TTC6: variants seen among roughly 807,000 people sequenced by gnomAD.
TTC6 encodes tetratricopeptide repeat protein 6.
TTC6 carries 172 observed loss-of-function variants against 210.4 expected under a neutral mutation model. The observed-to-expected ratio is 0.82, with a 90% CI of 0.72 to 0.93. The LOEUF (loss-of-function observed/expected upper bound fraction) is 0.93. TTC6 is among the 40% of genes least tolerant of loss of function. The probability of loss-of-function intolerance (pLI) is 0.00; values close to 1 mark genes in which losing one functional copy is unlikely to be tolerated. For missense variants in TTC6, 2,414 were observed against 2,318.1 expected, an observed-to-expected ratio of 1.04 and a Z score of -0.85; for synonymous variants, 804 against 819.6, an observed-to-expected ratio of 0.98 and a Z score of 0.32.
intron 1 of TTC6, among the ~76,000 whole-genome samples, chr14:37,634,187 T>C (rs2095675538): frequency 6.6e-6 from 1 of 152,154 alleles, no homozygotes; most frequent in Admixed American, 6.6e-5. Flanking sequence ...GCAGTTCCTC[T>C]ACCAAAGTAC....
intron 10 of TTC6, among the ~76,000 whole-genome samples, chr14:37,746,034 C>T (rs1158383321): frequency 6.6e-6 from 1 of 152,172 alleles, no homozygotes; most frequent in African/African-American, 2.4e-5. Context: ...TCTCTAAGCA[C>T]CTTTAGGCAT....
At chr14:37,790,696 C>T (rs1271384721) in intron 15 of TTC6, 21 bp from the exon 18 acceptor site, 2 of 1,522,282 alleles carry the variant, frequency 1.3e-6, no homozygotes, top group South Asian at 1.2e-5. Flanking sequence ...GAATGAAATA[C>T]ATTTTTTTAA....
At chr14:37,724,593 T>C (rs2095868012) in intron 6 of TTC6, among the ~76,000 whole-genome samples, 1 of 152,186 alleles carries the variant, frequency 6.6e-6, no homozygotes, top group Non-Finnish European at 1.5e-5. Flanking sequence ...AGAATTTGCC[T>C]ACACTATATA....
intron 14 of TTC6, among the ~76,000 whole-genome samples, chr14:37,763,555 G>A (rs117926294): frequency 0.024 from 3,593 of 152,080 alleles, 63 homozygotes; most frequent in Admixed American, 0.038. Context: ...TAGGAATTTC[G>A]TCATTTCTTC....
intron 15 of TTC6, among the ~76,000 whole-genome samples, chr14:37,789,872 A>G (rs111523216): frequency 1.6e-3 from 236 of 152,114 alleles, no homozygotes; most frequent in Non-Finnish European, 3.0e-3. Flanking sequence ...TTTTTGTCCT[A>G]GACTGCAAAC....
At chr14:37,804,528 A>G (rs964106271) in intron 20 of TTC6, 152 bp from the exon 23 acceptor site, 2 of 1,026,678 alleles carry the variant, frequency 1.9e-6, no homozygotes, top group Non-Finnish European at 2.8e-6. Context: ...TGTACTGACA[A>G]GACCTGTAAC....
At chr14:37,755,955 T>C (rs1411703670) in intron 14 of TTC6, among the ~76,000 whole-genome samples, 1 of 152,230 alleles carries the variant, frequency 6.6e-6, no homozygotes, top group Admixed American at 6.5e-5. Flanking sequence ...GTATGGCCAT[T>C]TTCATGATAA....
At chr14:37,773,000 A>G (rs921036091) in intron 14 of TTC6, among the ~76,000 whole-genome samples, 4 of 152,078 alleles carry the variant, frequency 2.6e-5, no homozygotes, top group African/African-American at 9.7e-5. Context: ...TCTAACGATT[A>G]GTGATATTGA....
chr14:37,670,784 T>C (rs966413292), intron 1 of TTC6, among the ~76,000 whole-genome samples: 3 of 152,068 alleles, frequency 2.0e-5, no homozygotes, highest in Non-Finnish European at 2.9e-5. Flanking sequence ...CTACCTCACT[T>C]TTTAATGGGT....
chr14:37,723,001 A>G (rs2095864798), intron 6 of TTC6, among the ~76,000 whole-genome samples: 1 of 152,140 alleles, frequency 6.6e-6, no homozygotes, highest in Non-Finnish European at 1.5e-5. Context: ...TATTTATATC[A>G]GTATGATTTG....
At chr14:37,785,469 A>G (rs1417572628) in intron 14 of TTC6, among the ~76,000 whole-genome samples, 1 of 152,124 alleles carries the variant, frequency 6.6e-6, no homozygotes, top group Non-Finnish European at 1.5e-5. Context: ...GAACTCCATC[A>G]GGTCATTTAA....
At chr14:37,631,743 G>A (rs960209789) in intron 1 of TTC6, among the ~76,000 whole-genome samples, 1 of 152,160 alleles carries the variant, frequency 6.6e-6, no homozygotes, top group African/African-American at 2.4e-5. Flanking sequence ...TCACTTTCAG[G>A]TACACCAATC....
intron 26 of TTC6, among the ~76,000 whole-genome samples, chr14:37,818,379 C>A (rs978606348): frequency 2.0e-4 from 30 of 151,908 alleles, no homozygotes; most frequent in African/African-American, 7.0e-4. Context: ...GGTAATTTTG[C>A]TTTTAAAATT....
intron 24 of TTC6, among the ~76,000 whole-genome samples, chr14:37,810,149 T>C (rs1352405558): frequency 6.6e-6 from 1 of 152,198 alleles, no homozygotes; most frequent in Non-Finnish European, 1.5e-5. Flanking sequence ...TCCAGAAATG[T>C]TGATAAATGA....
chr14:37,797,070 C>T (rs2096094449), intron 20 of TTC6, 123 bp downstream of exon 22: 1 of 948,126 alleles, frequency 1.1e-6, no homozygotes, highest in South Asian at 3.1e-5. Flanking sequence ...TGTGAATTAA[C>T]ATTTGGGTTA....
At chr14:37,654,303 G>A (rs2095717928) in intron 1 of TTC6, among the ~76,000 whole-genome samples, 1 of 151,994 alleles carries the variant, frequency 6.6e-6, no homozygotes, top group African/African-American at 2.4e-5. Flanking sequence ...TTGAGGGGAT[G>A]GATACCCCAT....
chr14:37,711,657 C>G (rs1180276892), intron 5 of TTC6, among the ~76,000 whole-genome samples: 2 of 151,912 alleles, frequency 1.3e-5, no homozygotes, highest in African/African-American at 4.8e-5. Flanking sequence ...TGTGAAAGAC[C>G]CTTACTGCCA....
At chr14:37,734,309 G>A (rs1393847649) in intron 7 of TTC6, among the ~76,000 whole-genome samples, 1 of 152,160 alleles carries the variant, frequency 6.6e-6, no homozygotes, top group Non-Finnish European at 1.5e-5. Context: ...TAATTGGGAT[G>A]TATTATCAGG....
At chr14:37,702,849 G>C (rs1440139174) in intron 5 of TTC6, among the ~76,000 whole-genome samples, 1 of 151,824 alleles carries the variant, frequency 6.6e-6, no homozygotes, top group African/African-American at 2.4e-5. Flanking sequence ...ATCACAATTG[G>C]TTTCTATTTG....
Sources: gnomAD v4.1 joint callset for allele counts (sites outside exome capture counted in the v4.1 genomes callset) on GRCh38, gnomAD v4.1.1 for gene constraint, MANE v1.5 for transcripts, NCBI Gene and HGNC (gene_info 2026-07-23, HGNC 2026-07-21) for gene names.